Variants in CASZ1 observed in about 807,000 individuals in gnomAD.
CASZ1 encodes the protein zinc finger protein castor homolog 1.
CASZ1 carries 28 observed loss-of-function variants against 135.2 expected under a neutral mutation model. The ratio of observed to expected loss-of-function variants is 0.21; its 90% CI spans 0.15 to 0.28. The LOEUF is 0.28. Among genes scored for constraint, CASZ1 ranks in the 10% least tolerant of loss-of-function variants. The pLI is 1.00. For synonymous variants in CASZ1, 1,068 were observed against 1,073.4 expected (o/e 0.99, Z 0.10); for missense variants, 2,161 against 2,453.3 (o/e 0.88, Z 2.52).
rs189920064 is a variant in CASZ1, at chr1:10,756,457, C to T, written c.-77+4244G>A. Among the ~76,000 whole-genome samples, 71 of 152,374 alleles carry T rather than the reference C, an allele frequency of 4.7e-4. No individual in the cohort carries two copies. The highest frequency in any genetic ancestry group is 1.5e-3 in the African/African-American group (61 of 41,594). ...CAAGTGCTCACGCGAGCCCGGCAGC[C>T]GGCTGTGACAGCTTCACGCTCGCCA... is the stretch of plus-strand genomic sequence containing the variant. On this transcript the variant is annotated intron_variant, in intron 2 of 20. Transcript: ENST00000377022. This position sits in a 1 kb window ranked among gnomAD's most constrained non-coding sequence, Gnocchi z 5.9.
chr1:10,778,532 G>A (rs1179023950), intron 1 of CASZ1, among the ~76,000 whole-genome samples: 1 of 151,774 alleles, frequency 6.6e-6, no homozygotes, highest in Non-Finnish European at 1.5e-5. Flanking sequence ...ACGATCACAC[G>A]CAAAACGATT....
At chr1:10,692,127 C>T (rs185113447) in intron 4 of CASZ1, among the ~76,000 whole-genome samples, 16 of 152,322 alleles carry the variant, frequency 1.1e-4, no homozygotes, top group Non-Finnish European at 7.4e-5. Flanking sequence ...CTGGGAGGCC[C>T]TCGCTCCAGT....
intron 7 of CASZ1, among the ~76,000 whole-genome samples, chr1:10,656,989 G>A (rs1195920021): frequency 6.6e-6 from 1 of 152,172 alleles, no homozygotes; most frequent in Non-Finnish European, 1.5e-5. Context: ...GACAGATGGG[G>A]CCCGAGCCCT....
intron 1 of CASZ1, among the ~76,000 whole-genome samples, chr1:10,763,415 G>A (rs1481036265): frequency 6.6e-6 from 1 of 152,128 alleles, no homozygotes; most frequent in Non-Finnish European, 1.5e-5. Context: ...AGACGGAGAC[G>A]ATGCCTAAGA....
In CASZ1 at chr1:10,709,497, G is replaced by A. The variant is rs966053114; in HGVS notation, c.-76-3953C>T. ...TTGAGGAGCTGTCAGGAGCCCGAGT[G>A]AGAGTCTCACTACCCCGGGACCAGG... On this transcript the variant is annotated intron_variant, in intron 2 of 20. Coordinates refer to ENST00000377022, the MANE Select transcript of CASZ1 (RefSeq NM_001079843.3). This position sits in a 1 kb window ranked among gnomAD's most constrained non-coding sequence, Gnocchi z 5.1. Among the ~76,000 whole-genome samples, 1 of 152,216 alleles carries A rather than the reference G, an allele frequency of 6.6e-6. No individual in the cohort carries two copies. Among genetic ancestry groups the A allele is most frequent in the Admixed American group, 6.5e-5 (1 of 15,292 alleles).
intron 4 of CASZ1, among the ~76,000 whole-genome samples, chr1:10,672,872 G>A (rs1019676441): frequency 3.3e-5 from 5 of 152,334 alleles, no homozygotes; most frequent in Non-Finnish European, 5.9e-5. Context: ...TCCGTTCCAC[G>A]TCCGCCTCCT....
chr1:10,751,123 T>C (rs1403709111), intron 2 of CASZ1, among the ~76,000 whole-genome samples: 1 of 152,030 alleles, frequency 6.6e-6, no homozygotes, highest in Non-Finnish European at 1.5e-5. Flanking sequence ...TTTGAGTCTG[T>C]AAACCTTGTT....
Position 10,654,005 on chromosome 1 carries a change from C to G in CASZ1, c.2052G>C (p.Gln684His). ...GCGFTFTSTS[Q>H]MTSHKRKHER... ...CATGCTTGCGCTTGTGAGAGGTCAT[C>G]TGGCTGGTGGAGGTGAAGGTGAAGC... is the stretch of plus-strand genomic sequence containing the variant. The change falls in exon 11 of 21, where the codon CAG becomes CAC. Residue 684 changes from glutamine to histidine, a missense_variant. Gln to His is a conservative substitution (Grantham distance 24, BLOSUM62 0). Coordinates refer to ENST00000377022, the MANE Select transcript of CASZ1 (RefSeq NM_001079843.3). 1 of 1,614,216 alleles carries G rather than the reference C, an allele frequency of 6.2e-7. No individual in the cohort carries two copies. The highest frequency in any genetic ancestry group is 8.5e-7 in the Non-Finnish European group (1 of 1,180,030).
intron 2 of CASZ1, among the ~76,000 whole-genome samples, chr1:10,708,665 G>A (rs1458565406): frequency 1.3e-5 from 2 of 152,054 alleles, no homozygotes; most frequent in African/African-American, 4.8e-5. Flanking sequence ...GAAGCACAGT[G>A]GTCTCTCCCT....
At chr1:10,659,543 A>C (rs114182636) in intron 6 of CASZ1, among the ~76,000 whole-genome samples, 159 bp downstream of exon 6, 1 of 152,204 alleles carries the variant, frequency 6.6e-6, no homozygotes, top group African/African-American at 2.4e-5. Context: ...AAGCGCATGG[A>C]TGGGAGCCTG....
At chr1:10,669,494 C>T (rs753601076) in intron 4 of CASZ1, among the ~76,000 whole-genome samples, 40 of 152,220 alleles carry the variant, frequency 2.6e-4, no homozygotes, top group Non-Finnish European at 4.4e-4. Flanking sequence ...GGGAGGGCCT[C>T]GGGAGAAGGC....
At position 10,720,988 on chromosome 1, in the gene CASZ1, G is replaced by C. The variant is rs1390150968; in HGVS notation, c.-76-15444C>G. On this transcript the variant is annotated intron_variant, in intron 2 of 20. Coordinates refer to ENST00000377022, the MANE Select transcript of CASZ1 (RefSeq NM_001079843.3). The surrounding 1 kb of genome is among the most constrained non-coding windows in gnomAD (Gnocchi z 5.7). ...GCTCAGGGCCACAACCGGCTCTGGA[G>C]GGAGGGATTTAAGAGCAAAGCCACA... 3.2e-4 allele frequency among the ~76,000 whole-genome samples: 49 copies of C among 152,344 alleles called. No individual in the cohort carries two copies.
At chr1:10,645,968 G>T (rs763544625) in intron 17 of CASZ1, among the ~76,000 whole-genome samples, 160 bp downstream of exon 17, 9 of 152,098 alleles carry the variant, frequency 5.9e-5, no homozygotes, top group Non-Finnish European at 1.0e-4. Flanking sequence ...CAGGGGCCTA[G>T]GGGCAGATGG....
intron 5 of CASZ1, among the ~76,000 whole-genome samples, chr1:10,664,868 A>G (rs897586860): frequency 5.8e-5 from 6 of 102,984 alleles, no homozygotes; most frequent in African/African-American, 2.3e-4. Flanking sequence ...TTGAAGACCC[A>G]CTGTGTGTGG....
intron 2 of CASZ1, among the ~76,000 whole-genome samples, chr1:10,737,048 C>G (rs1639812824): frequency 2.0e-5 from 3 of 152,330 alleles, no homozygotes; most frequent in Admixed American, 1.3e-4. Context: ...CCCCTGACCA[C>G]GGATGTACAT....
chr1:10,790,449 CT>C (rs1214398185), intron 1 of CASZ1, among the ~76,000 whole-genome samples: 11 of 152,356 alleles, frequency 7.2e-5, no homozygotes, highest in Non-Finnish European at 1.5e-4. Flanking sequence ...TTGTTTGCCT[CT>C]CTTCGGTTCC....
chr1:10,772,517 A>C (rs895380708), intron 1 of CASZ1, among the ~76,000 whole-genome samples: 1 of 152,184 alleles, frequency 6.6e-6, no homozygotes, highest in Non-Finnish European at 1.5e-5. Context: ...ATATCCAGAT[A>C]TTCTACCACA....
intron 20 of CASZ1, chr1:10,642,092 T>G (rs1005476056): frequency 7.1e-6 from 1 of 140,882 alleles, no homozygotes; most frequent in Admixed American, 7.5e-5. Context: ...GGCGGGAAGC[T>G]GGGCGGGCTG....
intron 4 of CASZ1, among the ~76,000 whole-genome samples, chr1:10,674,437 C>T (rs1225308201): frequency 6.6e-6 from 1 of 152,270 alleles, no homozygotes; most frequent in East Asian, 1.9e-4. Flanking sequence ...TGCGGGAGGG[C>T]GTCCAGCCCT....
Sources: allele counts gnomAD v4.1 joint callset (sites outside exome capture counted in the v4.1 genomes callset), GRCh38; gene constraint gnomAD v4.1.1; non-coding constraint Gnocchi (gnomAD v3.1); transcripts MANE v1.5; gene names NCBI Gene and HGNC (gene_info 2026-07-23, HGNC 2026-07-21).